Variants in SLC31A1 observed in about 807,000 individuals in gnomAD.
SLC31A1 encodes the protein high affinity copper uptake protein 1.
Under a neutral mutation model 17.2 loss-of-function variants are expected in SLC31A1, and 5 were observed. The observed-to-expected ratio is 0.29, with a 90% CI of 0.15 to 0.61. The LOEUF (loss-of-function observed/expected upper bound fraction) is 0.61, where lower values mean the gene tolerates loss of function less well. SLC31A1 is among the 20% of genes least tolerant of loss of function. The pLI is 0.86. For synonymous variants in SLC31A1, 76 were observed against 78.8 expected (o/e 0.96, Z 0.19); for missense variants, 161 against 241.4 (o/e 0.67, Z 2.21).
chr9:113,226,046 A>G (rs1027457734), intron 1 of SLC31A1, among the ~76,000 whole-genome samples: 6 of 151,808 alleles, frequency 4.0e-5, no homozygotes, highest in Non-Finnish European at 8.8e-5. Context: ...AGGCACGAGA[A>G]TTGCTTGAGC....
intron 1 of SLC31A1, among the ~76,000 whole-genome samples, chr9:113,242,114 G>A (rs1362981171): frequency 2.0e-5 from 3 of 152,152 alleles, no homozygotes; most frequent in Non-Finnish European, 4.4e-5. Context: ...GTGTGAACCC[G>A]GGAGGCGGAG....
chr9:113,222,915 A>C (rs1831299663), intron 1 of SLC31A1, among the ~76,000 whole-genome samples: 2 of 152,208 alleles, frequency 1.3e-5, no homozygotes, highest in South Asian at 4.1e-4. Flanking sequence ...GAAACATCTA[A>C]ATGTTTAACA....
At position 113,234,135 on chromosome 9, in the gene SLC31A1, G is replaced by A. The variant is rs565952823; in HGVS notation, c.-36+12457G>A. Among the ~76,000 whole-genome samples, 14 of 151,974 alleles carry A rather than the reference G, an allele frequency of 9.2e-5. No homozygotes were observed. In the South Asian group the frequency reaches 1.5e-3, roughly 16 times the overall value. On this transcript the variant is annotated intron_variant, in intron 1 of 4. Transcript: ENST00000374212. ...GGTGACTGTTCTACTCTCTACCTCCGTAGGATCAACTTTTTTGGCTCCCAC... is the reference window on the plus strand; with the variant it reads ...GGTGACTGTTCTACTCTCTACCTCCATAGGATCAACTTTTTTGGCTCCCAC...
At chr9:113,252,632 C>T (rs1275282385) in intron 1 of SLC31A1, among the ~76,000 whole-genome samples, 2 of 152,130 alleles carry the variant, frequency 1.3e-5, no homozygotes, top group African/African-American at 4.8e-5. Flanking sequence ...TCTTATATCT[C>T]AAAATGAAAA....
At chr9:113,234,935 C>T (rs867423514) in intron 1 of SLC31A1, among the ~76,000 whole-genome samples, 1 of 152,028 alleles carries the variant, frequency 6.6e-6, no homozygotes, top group Non-Finnish European at 1.5e-5. Flanking sequence ...TAACTTGTTA[C>T]GAGTTTTAAG....
rs1259939682 is a variant in SLC31A1 at position 113,262,114 on chromosome 9, G to A, written c.*1641G>A. On this transcript the variant is annotated 3_prime_UTR_variant, in exon 5 of 5. Coordinates refer to ENST00000374212, the MANE Select transcript of SLC31A1 (RefSeq NM_001859.4). ...TCTGCAGTGTAAATCTACCAGTCAT[G>A]GGCCAGAAGGGCAAAAGCCCAGCTT... 6.6e-6 allele frequency: 1 copy of A among 152,408 alleles called. No homozygotes were observed. Among genetic ancestry groups the A allele is most frequent in the African/African-American group, 2.4e-5 (1 of 41,434 alleles). 9.4% of individuals were successfully genotyped at this position (152,408 alleles called of 1,614,324 possible).
In SLC31A1 at chr9:113,260,372, G is replaced by A. The variant is rs1831777754; in HGVS notation, c.472G>A (p.Gly158Arg). The change falls in exon 5 of 5, where the codon GGG (glycine) becomes AGG (arginine). Residue 158 changes from glycine to arginine, a missense_variant. Physicochemically the swap from Gly to Arg is moderately radical, Grantham distance 125. Transcript: ENST00000374212. ...FLMLIFMTYN[G>R]YLCIAVAAGA... The stretch of plus-strand genomic sequence containing the variant: ...CATGCTCATCTTCATGACCTACAAC[G>A]GGTACCTCTGCATTGCAGTAGCAGC... The A allele has an allele frequency of 1.9e-6, 3 of 1,613,920 alleles. No individual in the cohort carries two copies. Among genetic ancestry groups the A allele is most frequent in the Admixed American group, 1.7e-5 (1 of 59,988 alleles).
At chr9:113,232,674 A>AC (rs1831413376) in intron 1 of SLC31A1, among the ~76,000 whole-genome samples, 1 of 128,474 alleles carries the variant, frequency 7.8e-6, no homozygotes, top group African/African-American at 3.1e-5. Flanking sequence ...TCTACTAAAA[A>AC]TTAAAAAAAA....
chr9:113,250,427 A>G (rs1429031814), intron 1 of SLC31A1, among the ~76,000 whole-genome samples: 1 of 150,342 alleles, frequency 6.7e-6, no homozygotes, highest in Non-Finnish European at 1.5e-5. Flanking sequence ...CTATCGCAAG[A>G]ACAAAAAACC....
At chr9:113,251,977 G>C (rs80037831) in intron 1 of SLC31A1, among the ~76,000 whole-genome samples, 28 of 152,334 alleles carry the variant, frequency 1.8e-4, no homozygotes, top group African/African-American at 6.7e-4. Flanking sequence ...CTGACAATGA[G>C]AGCAAGTAGA....
At chr9:113,246,866 C>T (rs1254239519) in intron 1 of SLC31A1, among the ~76,000 whole-genome samples, 1 of 150,486 alleles carries the variant, frequency 6.6e-6, no homozygotes, top group Admixed American at 6.6e-5. Flanking sequence ...TCTCAAACTC[C>T]TAGCCTCAAG....
Position 113,256,262 on chromosome 9 carries a change from C to G in SLC31A1, c.114C>G (p.Ser38Arg). 1 of 1,613,984 alleles carries G rather than the reference C, an allele frequency of 6.2e-7. No homozygotes were observed. The change falls in exon 2 of 5, where the codon AGC becomes AGG. Residue 38 changes from serine to arginine, a missense_variant. By Grantham distance (110) the Ser-to-Arg change is moderately radical. Transcript: ENST00000374212. Reference protein sequence around the residue: ...SASHSHGGGDSSMMMMPMTFY... With the variant: ...SASHSHGGGDRSMMMMPMTFY... ...CACACTCCCATGGTGGAGGAGACAG[C>G]AGCATGATGATGATGGTGAGTGCCA...
intron 1 of SLC31A1, among the ~76,000 whole-genome samples, chr9:113,233,308 A>G (rs1831420620): frequency 6.6e-6 from 1 of 152,176 alleles, no homozygotes; most frequent in African/African-American, 2.4e-5. Flanking sequence ...AAGAAAGGGG[A>G]AATATCTTTT....
At chr9:113,254,146 G>A (rs141168385) in intron 1 of SLC31A1, among the ~76,000 whole-genome samples, 1 of 151,986 alleles carries the variant, frequency 6.6e-6, no homozygotes, top group African/African-American at 2.4e-5. Flanking sequence ...TAGAGATGGG[G>A]TTTCATCATG....
At chr9:113,239,633 G>A (rs754953735) in intron 1 of SLC31A1, among the ~76,000 whole-genome samples, 26 of 152,116 alleles carry the variant, frequency 1.7e-4, no homozygotes, top group Admixed American at 7.2e-4. Context: ...CCCAGGCTGC[G>A]GTGCAGTGGT....
chr9:113,256,026 C>A, intron 1 of SLC31A1, 88 bp from the exon 2 acceptor site: 1 of 999,904 alleles, frequency 1.0e-6, no homozygotes, highest in Non-Finnish European at 1.4e-6. Context: ...GCCTGGGCAA[C>A]ATAGCAAGAT....
chr9:113,255,369 C>T (rs1688580015), intron 1 of SLC31A1, among the ~76,000 whole-genome samples: 1 of 152,176 alleles, frequency 6.6e-6, no homozygotes, highest in African/African-American at 2.4e-5. Context: ...AAGCTGCTTT[C>T]CTTCTCCTTA....
At chr9:113,227,517 G>C (rs973073397) in intron 1 of SLC31A1, 1 of 152,168 alleles carries the variant, frequency 6.6e-6, no homozygotes, top group Non-Finnish European at 1.5e-5. Context: ...GCCTCTTAGA[G>C]TGCTGGGATT....
At chr9:113,249,094 G>A (rs1018874293) in intron 1 of SLC31A1, among the ~76,000 whole-genome samples, 1 of 150,610 alleles carries the variant, frequency 6.6e-6, no homozygotes, top group African/African-American at 2.4e-5. Flanking sequence ...ACTTTCCCAG[G>A]ACATACAATC....
Sources: gnomAD v4.1 joint callset for allele counts (sites outside exome capture counted in the v4.1 genomes callset) on GRCh38, gnomAD v4.1.1 for gene constraint, MANE v1.5 for transcripts, NCBI Gene and HGNC (gene_info 2026-07-23, HGNC 2026-07-21) for gene names.